The following ACSS3 variants were observed in gnomAD, a reference collection of about 807,000 sequenced individuals.
ACSS3 encodes acyl-CoA synthetase short-chain family member 3, mitochondrial.
ACSS3 carries 64 observed loss-of-function variants against 84.2 expected under a neutral mutation model. The ratio of observed to expected loss-of-function variants is 0.76; its 90% CI spans 0.62 to 0.94. ACSS3 has a LOEUF of 0.94. Among genes scored for constraint, ACSS3 ranks in the 40% least tolerant of loss-of-function variants. ACSS3 has a pLI of 0.00. For missense variants in ACSS3, 815 were observed against 867.6 expected, an observed-to-expected ratio of 0.94 and a Z score of 0.76; for synonymous variants, 317 against 310.1, an observed-to-expected ratio of 1.02 and a Z score of -0.23.
chr12:81,198,890 G>T (rs1488331520), intron 8 of ACSS3, among the ~76,000 whole-genome samples: 2 of 152,104 alleles, frequency 1.3e-5, no homozygotes, highest in Non-Finnish European at 2.9e-5. Flanking sequence ...CTCACAAGAA[G>T]GAACAAATTC....
intron 7 of ACSS3, among the ~76,000 whole-genome samples, chr12:81,157,903 A>C (rs1374334366): frequency 1.3e-5 from 2 of 150,872 alleles, no homozygotes; most frequent in Non-Finnish European, 3.0e-5. Flanking sequence ...TGCAGATGGC[A>C]TGATTATTTG....
At chr12:81,124,343 A>C (rs1884898721) in intron 2 of ACSS3, 1 of 152,020 alleles carries the variant, frequency 6.6e-6, no homozygotes, top group Non-Finnish European at 1.5e-5. Context: ...TTCTGTGTTC[A>C]CTTTTCTGTT....
intron 7 of ACSS3, among the ~76,000 whole-genome samples, chr12:81,157,678 G>A (rs756421698): frequency 2.6e-5 from 4 of 151,872 alleles, no homozygotes; most frequent in East Asian, 1.9e-4. Context: ...ATGGTGGTGC[G>A]CACCTATAGT....
chr12:81,246,392 C>T (rs1001463886), intron 13 of ACSS3, among the ~76,000 whole-genome samples: 1 of 152,180 alleles, frequency 6.6e-6, no homozygotes, highest in Non-Finnish European at 1.5e-5. Context: ...TCTGACCAGA[C>T]ACAGCAGGCT....
At chr12:81,093,121 T>C (rs1881776818) in intron 1 of ACSS3, among the ~76,000 whole-genome samples, 1 of 152,156 alleles carries the variant, frequency 6.6e-6, no homozygotes, top group African/African-American at 2.4e-5. Flanking sequence ...TTGAGACTTA[T>C]GTTTAAATTA....
intron 2 of ACSS3, among the ~76,000 whole-genome samples, chr12:81,131,913 A>C (rs1197525643): frequency 6.6e-6 from 1 of 152,086 alleles, no homozygotes; most frequent in African/African-American, 2.4e-5. Context: ...GGTTCTGTTT[A>C]TGTGATGGAT....
chr12:81,204,125 C>T (rs145871290), intron 9 of ACSS3, among the ~76,000 whole-genome samples: 1 of 151,576 alleles, frequency 6.6e-6, no homozygotes, highest in African/African-American at 2.4e-5. Flanking sequence ...TGGTGGCCTT[C>T]GTGGGATTTT....
intron 13 of ACSS3, among the ~76,000 whole-genome samples, chr12:81,244,892 C>T (rs2033931573): frequency 6.6e-6 from 1 of 151,022 alleles, no homozygotes; most frequent in East Asian, 1.9e-4. Flanking sequence ...AATGCTTCTT[C>T]AGTCTATTCA....
At chr12:81,194,860 CA>C (rs11349258) in intron 8 of ACSS3, among the ~76,000 whole-genome samples, 47,443 of 149,428 alleles carry the variant, frequency 0.32, 8,939 homozygotes, top group Middle Eastern at 0.45. Flanking sequence ...GGGGGATAGT[CA>C]AAAAAAAAAT....
chr12:81,137,550 A>G (rs1885874583), intron 3 of ACSS3, among the ~76,000 whole-genome samples: 1 of 152,176 alleles, frequency 6.6e-6, no homozygotes, highest in African/African-American at 2.4e-5. Context: ...GGCTAAAGAA[A>G]AAGTTTTATT....
intron 1 of ACSS3, among the ~76,000 whole-genome samples, chr12:81,081,015 C>A (rs772966482): frequency 1.3e-5 from 2 of 152,160 alleles, no homozygotes; most frequent in Non-Finnish European, 2.9e-5. Context: ...GTTCTCTCCT[C>A]TGTGGAGCTG....
At chr12:81,235,328 A>G (rs569052446) in intron 13 of ACSS3, among the ~76,000 whole-genome samples, 3 of 151,266 alleles carry the variant, frequency 2.0e-5, no homozygotes, top group African/African-American at 7.2e-5. Context: ...TTTTTTATGT[A>G]GATCAATATA....
chr12:81,137,599 C>A (rs1488681182), intron 3 of ACSS3, among the ~76,000 whole-genome samples: 1 of 152,120 alleles, frequency 6.6e-6, no homozygotes, highest in Non-Finnish European at 1.5e-5. Flanking sequence ...TCTAACAAGT[C>A]AGTCTAGACT....
chr12:81,243,123 C>T (rs1040870275), intron 13 of ACSS3, among the ~76,000 whole-genome samples: 4 of 151,954 alleles, frequency 2.6e-5, no homozygotes, highest in Non-Finnish European at 1.5e-5. Flanking sequence ...TTGTCTCAGG[C>T]CAAAATCTCC....
At chr12:81,185,308 T>C (rs1236752558) in intron 8 of ACSS3, among the ~76,000 whole-genome samples, 1 of 151,710 alleles carries the variant, frequency 6.6e-6, no homozygotes, top group African/African-American at 2.4e-5. Context: ...TGCCTACTCA[T>C]GCCACTTCTA....
At chr12:81,110,203 C>G (rs1883463927) in intron 2 of ACSS3, among the ~76,000 whole-genome samples, 1 of 152,176 alleles carries the variant, frequency 6.6e-6, no homozygotes, top group Admixed American at 6.5e-5. Flanking sequence ...GTGTCTAAGA[C>G]ACTTTGAAAT....
At chr12:81,111,870 T>A (rs1883625852) in intron 2 of ACSS3, among the ~76,000 whole-genome samples, 2 of 152,150 alleles carry the variant, frequency 1.3e-5, no homozygotes, top group Admixed American at 1.3e-4. Context: ...ACAAGGGGAA[T>A]TTCAGTCTAA....
At chr12:81,133,480 A>G (rs1164456651) in intron 2 of ACSS3, among the ~76,000 whole-genome samples, 2 of 152,090 alleles carry the variant, frequency 1.3e-5, no homozygotes, top group Non-Finnish European at 2.9e-5. Flanking sequence ...CCTTGATCGC[A>G]TCACATATGA....
chr12:81,151,806 T>G, intron 5 of ACSS3, 38 bp from the exon 6 acceptor site: 1 of 1,567,410 alleles, frequency 6.4e-7, no homozygotes, highest in Non-Finnish European at 8.7e-7. Context: ...TTTTTACACA[T>G]TGTTTATTGA....
Sources: allele counts gnomAD v4.1 joint callset (sites outside exome capture counted in the v4.1 genomes callset), GRCh38; gene constraint gnomAD v4.1.1; transcripts MANE v1.5; gene names NCBI Gene and HGNC (gene_info 2026-07-23, HGNC 2026-07-21).